Variants in FGF5 observed in about 807,000 individuals in gnomAD.
FGF5 encodes fibroblast growth factor 5.
In FGF5, 23 loss-of-function variants were observed where a neutral mutation model predicts 21.8. The ratio of observed to expected loss-of-function variants is 1.05; its 90% CI spans 0.76 to 1.49. The LOEUF (loss-of-function observed/expected upper bound fraction) is 1.49. Ranked by LOEUF, FGF5 falls within the 40% of genes most tolerant of loss-of-function variation. FGF5 has a pLI of 0.00. For synonymous variants in FGF5, 158 were observed against 124.0 expected (o/e 1.27, Z -1.82); for missense variants, 352 against 332.9 (o/e 1.06, Z -0.45).
At chr4:80,273,799 C>A (rs1012249657) in intron 1 of FGF5, among the ~76,000 whole-genome samples, 19 of 152,082 alleles carry the variant, frequency 1.2e-4, no homozygotes, top group Admixed American at 1.2e-3. Context: ...TCAGCCTCAG[C>A]CTTCCAAAGT....
At chr4:80,282,583 A>G (rs1720585594) in intron 2 of FGF5, among the ~76,000 whole-genome samples, 1 of 152,208 alleles carries the variant, frequency 6.6e-6, no homozygotes, top group Admixed American at 6.5e-5. Context: ...AGTGCCTGGC[A>G]TGTGATATCT....
At chr4:80,267,318 G>A in intron 1 of FGF5, 139 bp downstream of exon 1, 4 of 687,698 alleles carry the variant, frequency 5.8e-6, no homozygotes, top group Non-Finnish European at 7.2e-6. Flanking sequence ...AGAAACAGCC[G>A]GGCGGGTTGG....
chr4:80,280,631 G>GA (rs1008104370), intron 2 of FGF5, among the ~76,000 whole-genome samples: 5 of 152,184 alleles, frequency 3.3e-5, no homozygotes, highest in African/African-American at 9.6e-5. Flanking sequence ...TTCTCTGGCT[G>GA]AAAAAAATCA....
chr4:80,278,932 G>A (rs1330549354), intron 2 of FGF5, among the ~76,000 whole-genome samples: 2 of 152,138 alleles, frequency 1.3e-5, no homozygotes, highest in African/African-American at 4.8e-5. Context: ...AGCCATGAGG[G>A]CTACTCCAAG....
intron 1 of FGF5, among the ~76,000 whole-genome samples, chr4:80,270,052 A>G (rs948715060): frequency 1.3e-5 from 2 of 152,240 alleles, no homozygotes; most frequent in Non-Finnish European, 2.9e-5. Context: ...CGTGTAAACT[A>G]AGGTGTTGGC....
intron 2 of FGF5, among the ~76,000 whole-genome samples, chr4:80,277,332 A>G (rs1720442110): frequency 6.6e-6 from 1 of 152,154 alleles, no homozygotes; most frequent in African/African-American, 2.4e-5. Context: ...TTTGAGCTAA[A>G]TTGTAGATAA....
chr4:80,266,766 G>A lies in FGF5; in HGVS notation c.-59G>A, dbSNP rs1298034574. The A allele has an allele frequency of 2.8e-6, 4 of 1,408,122 alleles. No individual in the cohort carries two copies. The highest frequency in any genetic ancestry group is 3.8e-6 in the Non-Finnish European group (4 of 1,042,462). 87.2% of individuals were successfully genotyped at this position (1,408,122 alleles called of 1,614,324 possible). The stretch of plus-strand genomic sequence containing the variant: ...AGCCAGAGGCACGCAGCCGCACAGG[G>A]GCTACAGAGCCCAGAATCAGCCCTA... On this transcript the variant is annotated 5_prime_UTR_variant, in exon 1 of 3. Transcript: ENST00000312465.
chr4:80,288,405 C>G lies in FGF5; in HGVS notation c.*1733C>G, dbSNP rs1386263897. ...ATCAGTATAGTGTTTTATTATAAAG[C>G]CAATTATCTGATTAAGCATTCTTTC... On this transcript the variant is annotated 3_prime_UTR_variant, in exon 3 of 3. Transcript: ENST00000312465. The G allele has an allele frequency of 6.6e-6, 1 of 151,922 alleles. No homozygotes were observed. The highest frequency in any genetic ancestry group is 1.5e-5 in the Non-Finnish European group (1 of 67,942). The allele number at this position is 151,922 out of a possible 1,614,324, so 9.4% of individuals were successfully genotyped here. A position where few individuals can be genotyped will look rare whatever the true frequency, so the allele number is the denominator to read the frequency against.
At chr4:80,272,715 T>G (rs769221662) in intron 1 of FGF5, among the ~76,000 whole-genome samples, 2 of 152,116 alleles carry the variant, frequency 1.3e-5, no homozygotes, top group Non-Finnish European at 2.9e-5. Context: ...TCTAACAATC[T>G]AGCACCATGA....
intron 2 of FGF5, among the ~76,000 whole-genome samples, chr4:80,286,050 G>T (rs1412038993): frequency 6.6e-6 from 1 of 152,126 alleles, no homozygotes; most frequent in Non-Finnish European, 1.5e-5. Context: ...AATGTATCAA[G>T]AGTTCTGGTT....
intron 2 of FGF5, among the ~76,000 whole-genome samples, chr4:80,283,597 T>C (rs926087775): frequency 3.3e-5 from 5 of 152,188 alleles, no homozygotes; most frequent in African/African-American, 1.2e-4. Flanking sequence ...ACATGTTCTT[T>C]CTTTATTTTC....
intron 1 of FGF5, among the ~76,000 whole-genome samples, chr4:80,267,447 T>C (rs1230332201): frequency 6.6e-6 from 1 of 152,188 alleles, no homozygotes; most frequent in Non-Finnish European, 1.5e-5. Context: ...TTGTTTTCAG[T>C]TTGCTCTAGC....
At chr4:80,271,772 A>G (rs1720278098) in intron 1 of FGF5, among the ~76,000 whole-genome samples, 1 of 152,216 alleles carries the variant, frequency 6.6e-6, no homozygotes, top group East Asian at 1.9e-4. Context: ...TTTCCATCAA[A>G]TTTAATATGC....
intron 2 of FGF5, 141 bp from the exon 3 acceptor site, chr4:80,286,184 A>G: frequency 1.7e-6 from 1 of 576,300 alleles, no homozygotes; most frequent in Non-Finnish European, 3.1e-6. Flanking sequence ...AAATAAGCAA[A>G]CATGTCTTTA....
At chr4:80,274,119 T>A (rs948590830) in intron 1 of FGF5, among the ~76,000 whole-genome samples, 1 of 152,174 alleles carries the variant, frequency 6.6e-6, no homozygotes. Flanking sequence ...AACAGTGGTG[T>A]GTAATTCTCT....
rs1265602052 is a variant in FGF5 at position 80,289,533 on chromosome 4, G to A, written c.*2861G>A. 7.2e-5 allele frequency: 11 copies of A among 151,946 alleles called. No individual in the cohort carries two copies. The highest frequency in any genetic ancestry group is 3.2e-3 in the Middle Eastern group (1 of 316). The allele number at this position is 151,946 out of a possible 1,614,324, so 9.4% of individuals were successfully genotyped here. ...CAATAACTTTTATATTAATATTTAG[G>A]AGTCTATTTTGTCTATAGGTGACAA... On this transcript the variant is annotated 3_prime_UTR_variant, in exon 3 of 3. Coordinates refer to ENST00000312465, the MANE Select transcript of FGF5 (RefSeq NM_004464.4).
At chr4:80,276,294 A>T (rs1720408436) in intron 2 of FGF5, among the ~76,000 whole-genome samples, 1 of 152,032 alleles carries the variant, frequency 6.6e-6, no homozygotes. Context: ...TACTAACATA[A>T]ATGGAAATCC....
In FGF5 at chr4:80,288,379, C is replaced by T; in HGVS notation, c.*1707C>T. On this transcript the variant is annotated 3_prime_UTR_variant, in exon 3 of 3. Coordinates refer to ENST00000312465, the MANE Select transcript of FGF5 (RefSeq NM_004464.4). ...CATCAACTAAAACATTATATGTATA[C>T]ATCAGTATAGTGTTTTATTATAAAG... is the stretch of plus-strand genomic sequence containing the variant. The T allele has an allele frequency of 6.6e-6, 1 of 152,002 alleles. No homozygotes were observed. The highest frequency in any genetic ancestry group is 6.6e-5 in the Admixed American group (1 of 15,226). The allele number at this position is 152,002 out of a possible 1,614,324, so 9.4% of individuals were successfully genotyped here. A position where few individuals can be genotyped will look rare whatever the true frequency, so the allele number is the denominator to read the frequency against.
chr4:80,286,554 CG>C lies in FGF5; in HGVS notation c.691del (p.Val231LeufsTer29), dbSNP rs1720731433. 1.2e-6 allele frequency: 2 copies of C among 1,613,902 alleles called. No homozygotes were observed. Among genetic ancestry groups the C allele is most frequent in the African/African-American group, 2.7e-5 (2 of 74,906 alleles). On this transcript the variant is annotated frameshift_variant, in exon 3 of 3. Coordinates refer to ENST00000312465, the MANE Select transcript of FGF5 (RefSeq NM_004464.4). LOFTEE classifies it high-confidence loss of function. Reference sequence around the variant, plus strand: ...TCGGAGCAGCCAGAACTTTCTTTCACGGTTACTGTTCCTGAAAAGAAAAAGC... The same window carrying C: ...TCGGAGCAGCCAGAACTTTCTTTCACGTTACTGTTCCTGAAAAGAAAAAGC... ...KQSEQPELSF[T>X]VTVPEKKKPP...
Sources: allele counts gnomAD v4.1 joint callset (sites outside exome capture counted in the v4.1 genomes callset), GRCh38; gene constraint gnomAD v4.1.1; transcripts MANE v1.5; gene names NCBI Gene and HGNC (gene_info 2026-07-23, HGNC 2026-07-21).